Variants in IQCE observed in about 807,000 individuals in gnomAD.
IQCE encodes IQ domain-containing protein E.
In IQCE, 115 loss-of-function variants were observed where a neutral mutation model predicts 96.0. The ratio of observed to expected loss-of-function variants is 1.20; its 90% CI spans 1.03 to 1.40. The LOEUF (loss-of-function observed/expected upper bound fraction) is 1.40. Ranked by LOEUF, IQCE falls within the 40% of genes most tolerant of loss-of-function variation. IQCE has a pLI of 0.00. For missense variants in IQCE, 1,041 were observed against 909.1 expected, an observed-to-expected ratio of 1.15 and a Z score of -1.87; for synonymous variants, 412 against 371.2, an observed-to-expected ratio of 1.11 and a Z score of -1.26.
chr7:2,607,797 G>A (rs1381083244), intron 21 of IQCE, among the ~76,000 whole-genome samples: 1 of 152,208 alleles, frequency 6.6e-6, no homozygotes, highest in African/African-American at 2.4e-5. Context: ...TTGAGATCCC[G>A]TGTCTTATCC....
At chr7:2,585,149 C>A (rs911978678) in intron 11 of IQCE, among the ~76,000 whole-genome samples, 25 of 150,982 alleles carry the variant, frequency 1.7e-4, no homozygotes, top group African/African-American at 4.1e-4. Flanking sequence ...GATTATCTTG[C>A]CTCTGCCTCC....
At position 2,578,308 on chromosome 7, in the gene IQCE, A is replaced by G. The variant is rs1457720395; in HGVS notation, c.532A>G (p.Asn178Asp). Residue 178 changes from asparagine (N) to aspartate (D), a missense_variant, in exon 7 of 22, where the codon AAC becomes GAC. Coordinates refer to ENST00000402050, the MANE Select transcript of IQCE (RefSeq NM_152558.5). ...GAAGCTCCGGCGCCTGGAGGAGGAA[A>G]ACAGCAGGAAGGACCGGCAGATAGA... ...RTKLRRLEEE[N>D]SRKDRQIEQL... 2 of 1,614,026 alleles carry G rather than the reference A, an allele frequency of 1.2e-6. No individual in the cohort carries two copies. The highest frequency in any genetic ancestry group is 3.3e-5 in the Admixed American group (2 of 60,022).
intron 12 of IQCE, 45 bp from the exon 13 acceptor site, chr7:2,587,777 A>C: frequency 6.3e-7 from 1 of 1,588,516 alleles, no homozygotes; most frequent in Non-Finnish European, 8.6e-7. Flanking sequence ...CCCTGCTGGC[A>C]GTGCCCACCA....
Position 2,613,469 on chromosome 7 carries a change from T to G in IQCE, c.*3307T>G, listed in dbSNP as rs1583535947. On this transcript the variant is annotated 3_prime_UTR_variant, in exon 22 of 22. Coordinates refer to ENST00000402050, the MANE Select transcript of IQCE (RefSeq NM_152558.5). ...AGGACGCTGTCTCCCCAGCGTGTCC[T>G]GCTCATCCAGGATGGGGAGAAAGAG... 6.6e-6 allele frequency: 1 copy of G among 152,234 alleles called. No individual in the cohort carries two copies. The highest frequency in any genetic ancestry group is 2.4e-5 in the African/African-American group (1 of 41,450). 9.4% of individuals were successfully genotyped at this position (152,234 alleles called of 1,614,324 possible). A position where few individuals can be genotyped will look rare whatever the true frequency, so the allele number is the denominator to read the frequency against.
chr7:2,584,264 G>A lies in IQCE; in HGVS notation c.803G>A (p.Ser268Asn). The change falls in exon 11 of 22, where the codon AGT (serine) becomes AAT (asparagine). Residue 268 changes from serine (S) to asparagine (N), a missense_variant. Ser to Asn is a conservative substitution (Grantham distance 46). Coordinates refer to ENST00000402050, the MANE Select transcript of IQCE (RefSeq NM_152558.5). ...EVHRLQTLLA[S>N]SETTGKKPLG... Reference sequence around the variant, plus strand: ...CATCGTCTCCAGACCCTCTTGGCAAGTTCTGAAACCACCGGAAAGAAGTAT... The same window carrying A: ...CATCGTCTCCAGACCCTCTTGGCAAATTCTGAAACCACCGGAAAGAAGTAT... 2 of 1,614,140 alleles carry A rather than the reference G, an allele frequency of 1.2e-6. No homozygotes were observed. The highest frequency in any genetic ancestry group is 1.7e-6 in the Non-Finnish European group (2 of 1,179,964).
intron 6 of IQCE, 39 bp downstream of exon 6, chr7:2,573,527 G>T: frequency 9.2e-7 from 1 of 1,090,886 alleles, no homozygotes; most frequent in South Asian, 1.3e-5. Context: ...TTGAAACGGT[G>T]AAAGCTTCCT....
chr7:2,601,568 G>A lies in IQCE; in HGVS notation c.1632+104G>A, dbSNP rs765063891. 8 of 903,014 alleles carry A rather than the reference G, an allele frequency of 8.9e-6. 1 individual carries two copies. The highest frequency in any genetic ancestry group is 2.7e-5 in the South Asian group (2 of 73,496). The allele number at this position is 903,014 out of a possible 1,614,324, so 55.9% of individuals were successfully genotyped here. A position where few individuals can be genotyped will look rare whatever the true frequency, so the allele number is the denominator to read the frequency against. ...TGTTGATTCCTTTTCTTTTTTTTTC[G>A]AGATGGAATCTCGCTCTGTGGCCCA... On this transcript the variant is annotated intron_variant, in intron 18 of 21. Transcript: ENST00000402050.
intron 1 of IQCE, among the ~76,000 whole-genome samples, chr7:2,563,500 G>A (rs1015490973): frequency 5.3e-5 from 8 of 151,772 alleles, no homozygotes; most frequent in African/African-American, 1.7e-4. Context: ...GAGCCACCAC[G>A]CCCGGCCCTG....
intron 11 of IQCE, among the ~76,000 whole-genome samples, chr7:2,585,578 C>A (rs779222283): frequency 2.2e-4 from 34 of 152,254 alleles, no homozygotes; most frequent in Non-Finnish European, 4.0e-4. Context: ...GCGTCACGAG[C>A]AAACAGCACA....
In IQCE at chr7:2,593,029, G is replaced by A. The variant is rs765524915; in HGVS notation, c.1252G>A (p.Val418Met). Residue 418 changes from valine (V) to methionine (M), a missense_variant, in exon 15 of 22, where the codon GTG (valine) becomes ATG (methionine). Transcript: ENST00000402050. ...QEQLLQRDLEVKQLLQAKADL... is the reference protein window; with the variant it reads ...QEQLLQRDLEMKQLLQAKADL... ...TCCTATTCTTGTGTGCAGTTTGGAGGTGAAGCAGCTCCTGCAGGCGAAGGC... is the reference window on the plus strand; with the variant it reads ...TCCTATTCTTGTGTGCAGTTTGGAGATGAAGCAGCTCCTGCAGGCGAAGGC... The A allele has an allele frequency of 1.9e-5, 31 of 1,606,366 alleles. No individual in the cohort carries two copies. Among genetic ancestry groups the A allele is most frequent in the Non-Finnish European group, 2.4e-5 (28 of 1,174,182 alleles).
At position 2,584,830 on chromosome 7, in the gene IQCE, C is replaced by G. The variant is rs1424082725; in HGVS notation, c.824+545C>G. 2.6e-5 allele frequency among the ~76,000 whole-genome samples: 4 copies of G among 152,190 alleles called. No homozygotes were observed. The South Asian group carries it at 8.3e-4, about 32-fold the overall frequency. On this transcript the variant is annotated intron_variant, in intron 11 of 21. Transcript: ENST00000402050. ...GCTTTCCTTTTTCTTTACCCCTAAT[C>G]CTTAAAACTGGTTGGAAAACTTTTT...
At chr7:2,565,088 G>A (rs1048171373) in intron 1 of IQCE, among the ~76,000 whole-genome samples, 6 of 147,234 alleles carry the variant, frequency 4.1e-5, no homozygotes, top group Non-Finnish European at 8.9e-5. Context: ...GCATGTGTGC[G>A]TGTGTGTGCG....
intron 17 of IQCE, among the ~76,000 whole-genome samples, chr7:2,600,855 A>C (rs1784385938): frequency 1.3e-5 from 2 of 152,224 alleles, no homozygotes. Flanking sequence ...CACATCTATA[A>C]GAACACATGC....
At chr7:2,586,065 A>C in intron 11 of IQCE, 143 bp from the exon 12 acceptor site, 1 of 687,240 alleles carries the variant, frequency 1.5e-6, no homozygotes, top group Non-Finnish European at 2.4e-6. Flanking sequence ...ATTACTGCCT[A>C]TTCGATTTCA....
intron 1 of IQCE, among the ~76,000 whole-genome samples, chr7:2,562,442 G>T (rs1245579095): frequency 1.3e-5 from 2 of 152,012 alleles, no homozygotes; most frequent in Non-Finnish European, 2.9e-5. Context: ...CTCATAGAAT[G>T]AATTGGGAAG....
chr7:2,610,225 GAAAGATAA>G lies in IQCE; in HGVS notation c.*64_*71del. On this transcript the variant is annotated 3_prime_UTR_variant, in exon 22 of 22. Transcript: ENST00000402050. ...GCCGAGGACATAGGAACCACGACTG[GAAAGATAA>G]TTTATCGTGTTAGGAGAAGAACGAT... 1.1e-6 allele frequency: 1 copy of G among 948,104 alleles called. No homozygotes were observed. The highest frequency in any genetic ancestry group is 1.7e-6 in the Non-Finnish European group (1 of 573,804). 58.7% of individuals were successfully genotyped at this position (948,104 alleles called of 1,614,324 possible).
chr7:2,573,936 G>A (rs563017415), intron 6 of IQCE, among the ~76,000 whole-genome samples: 2,440 of 152,216 alleles, frequency 0.016, 60 homozygotes, highest in African/African-American at 0.054. Context: ...TACAACCACA[G>A]TCTGCTGATG....
At position 2,578,301 on chromosome 7, in the gene IQCE, G is replaced by A. The variant is rs1423467743; in HGVS notation, c.525G>A (p.Glu175=). Residue 175 remains glutamate, a synonymous_variant, in exon 7 of 22, where the codon GAG becomes GAA. Transcript: ENST00000402050. The part of the protein sequence containing the change: ...DLMRTKLRRL[E]EENSRKDRQI... ...TGAGAACGAAGCTCCGGCGCCTGGAGGAGGAAAACAGCAGGAAGGACCGGC... is the reference window on the plus strand; with the variant it reads ...TGAGAACGAAGCTCCGGCGCCTGGAAGAGGAAAACAGCAGGAAGGACCGGC... 6.2e-7 allele frequency: 1 copy of A among 1,614,028 alleles called. No homozygotes were observed. Among genetic ancestry groups the A allele is most frequent in the Non-Finnish European group, 8.5e-7 (1 of 1,179,998 alleles).
At chr7:2,596,665 T>A (rs1784064185) in intron 16 of IQCE, among the ~76,000 whole-genome samples, 1 of 152,200 alleles carries the variant, frequency 6.6e-6, no homozygotes, top group Non-Finnish European at 1.5e-5. Context: ...AAATTTAGAC[T>A]TTTTTAGCTG....
Sources: gnomAD v4.1 joint callset for allele counts (sites outside exome capture counted in the v4.1 genomes callset) on GRCh38, gnomAD v4.1.1 for gene constraint, MANE v1.5 for transcripts, NCBI Gene and HGNC (gene_info 2026-07-23, HGNC 2026-07-21) for gene names.